Variants in SPECC1 observed in about 807,000 individuals in gnomAD.
SPECC1 encodes the protein cytospin-B.
SPECC1 carries 62 observed loss-of-function variants against 104.1 expected under a neutral mutation model. The observed-to-expected ratio is 0.60, with a 90% CI of 0.49 to 0.74. The LOEUF (loss-of-function observed/expected upper bound fraction) is 0.74. Ranked by LOEUF, SPECC1 falls within the 30% of genes least tolerant of loss-of-function variation. SPECC1 has a pLI of 0.00. For missense variants in SPECC1, 1,306 were observed against 1,310.5 expected (o/e 1.00, Z 0.05); for synonymous variants, 513 against 501.6 (o/e 1.02, Z -0.30).
At chr17:20,244,693 A>G (rs1204274846) in intron 7 of SPECC1, among the ~76,000 whole-genome samples, 1 of 146,678 alleles carries the variant, frequency 6.8e-6, no homozygotes, top group Non-Finnish European at 1.6e-5. Context: ...TGATCAGTAA[A>G]TAACTATTTT....
intron 12 of SPECC1, among the ~76,000 whole-genome samples, chr17:20,278,587 T>G (rs2040651483): frequency 6.6e-6 from 1 of 152,164 alleles, no homozygotes; most frequent in South Asian, 2.1e-4. Flanking sequence ...ACCTGTAATG[T>G]CAACACTTTG....
At chr17:20,082,668 G>A (rs1431441728) in intron 1 of SPECC1, among the ~76,000 whole-genome samples, 1 of 152,062 alleles carries the variant, frequency 6.6e-6, no homozygotes, top group Non-Finnish European at 1.5e-5. Context: ...GTGTGCCTGT[G>A]TCCTAATCTT....
chr17:20,124,624 C>G (rs1362424117), intron 3 of SPECC1, among the ~76,000 whole-genome samples: 1 of 152,256 alleles, frequency 6.6e-6, no homozygotes, highest in East Asian at 1.9e-4. Flanking sequence ...TATAGATGCT[C>G]CTCCACTTAC....
chr17:20,132,134 C>T (rs944781379), intron 3 of SPECC1, among the ~76,000 whole-genome samples: 1 of 151,412 alleles, frequency 6.6e-6, no homozygotes, highest in Non-Finnish European at 1.5e-5. Context: ...CTAATGTTTT[C>T]TCTGCATTGA....
At chr17:20,246,286 C>T (rs1383084689) in intron 8 of SPECC1, among the ~76,000 whole-genome samples, 3 of 152,348 alleles carry the variant, frequency 2.0e-5, no homozygotes, top group South Asian at 4.2e-4. Context: ...AACACAAATG[C>T]AGCCTCTTCC....
At chr17:20,029,029 T>G (rs2152439924) in intron 1 of SPECC1, among the ~76,000 whole-genome samples, 1 of 152,344 alleles carries the variant, frequency 6.6e-6, no homozygotes, top group African/African-American at 2.4e-5. Context: ...CCCAAAGTGC[T>G]GGGATTACAG....
chr17:20,062,978 G>A (rs1321767791), intron 1 of SPECC1, among the ~76,000 whole-genome samples: 2 of 152,028 alleles, frequency 1.3e-5, no homozygotes, highest in Non-Finnish European at 2.9e-5. Flanking sequence ...ATAAGCCACC[G>A]TGCCCAGCCA....
intron 3 of SPECC1, among the ~76,000 whole-genome samples, chr17:20,173,531 C>T (rs1277169307): frequency 6.6e-6 from 1 of 152,216 alleles, no homozygotes; most frequent in Non-Finnish European, 1.5e-5. Flanking sequence ...TATAACATTG[C>T]TAGGTCGCCT....
At chr17:20,210,073 C>T (rs1255064840) in intron 4 of SPECC1, among the ~76,000 whole-genome samples, 3 of 152,096 alleles carry the variant, frequency 2.0e-5, no homozygotes, top group African/African-American at 7.2e-5. Flanking sequence ...TGTGTGGGTC[C>T]TAGAGCCAAA....
intron 3 of SPECC1, among the ~76,000 whole-genome samples, chr17:20,110,873 G>A (rs1042207838): frequency 6.6e-6 from 1 of 151,964 alleles, no homozygotes; most frequent in Non-Finnish European, 1.5e-5. Context: ...ATGTTCTGGG[G>A]CTGTCTTGAT....
intron 14 of SPECC1, among the ~76,000 whole-genome samples, chr17:20,311,083 G>C (rs1346939632): frequency 7.0e-6 from 1 of 142,614 alleles, no homozygotes; most frequent in Admixed American, 7.1e-5. Context: ...TACCTTGTTA[G>C]ATTTAGACCT....
At position 20,118,115 on chromosome 17, in the gene SPECC1, TAATA is replaced by T. The variant is rs143553678; in HGVS notation, c.283+7572_283+7575del. 5.2e-4 allele frequency among the ~76,000 whole-genome samples: 79 copies of T among 150,872 alleles called. 1 individual carries two copies. The highest frequency in any genetic ancestry group is 1.5e-3 in the African/African-American group (61 of 40,800). On this transcript the variant is annotated intron_variant, in intron 3 of 14. Transcript: ENST00000395527. The stretch of plus-strand genomic sequence containing the variant: ...GAGACCCTGTCTCACAATAAATAAA[TAATA>T]AATAAATAAATAAATAAAGCAAAAC...
chr17:20,293,001 G>C (rs1328039654), intron 12 of SPECC1, among the ~76,000 whole-genome samples: 2 of 152,200 alleles, frequency 1.3e-5, no homozygotes, highest in Non-Finnish European at 2.9e-5. Context: ...ATGCTGACTG[G>C]AACTGAGAAG....
intron 3 of SPECC1, among the ~76,000 whole-genome samples, chr17:20,126,675 C>G (rs1188107231): frequency 6.6e-6 from 1 of 152,160 alleles, no homozygotes; most frequent in Non-Finnish European, 1.5e-5. Context: ...TCTTTTATTT[C>G]TGGTTCTTGC....
chr17:20,077,214 GTTC>G (rs996531522), intron 1 of SPECC1, among the ~76,000 whole-genome samples: 5 of 152,104 alleles, frequency 3.3e-5, no homozygotes, highest in Non-Finnish European at 7.4e-5. Flanking sequence ...AGGCATTTAT[GTTC>G]TTCTAGTATT....
At chr17:20,270,481 C>T (rs1050140766) in intron 12 of SPECC1, among the ~76,000 whole-genome samples, 10 of 133,564 alleles carry the variant, frequency 7.5e-5, no homozygotes, top group Non-Finnish European at 1.2e-4. Flanking sequence ...TAGCCGGCTA[C>T]GATGGTGTAC....
intron 3 of SPECC1, among the ~76,000 whole-genome samples, chr17:20,182,273 C>A (rs980211639): frequency 2.0e-5 from 3 of 151,894 alleles, no homozygotes; most frequent in African/African-American, 7.3e-5. Context: ...ACCACCATGT[C>A]CCGCTAAACT....
chr17:20,151,626 CTTGATTCCACTGGACTCT>C (rs1403027812), intron 3 of SPECC1, among the ~76,000 whole-genome samples: 1 of 152,190 alleles, frequency 6.6e-6, no homozygotes, highest in East Asian at 1.9e-4. Flanking sequence ...CCGCGTGTTG[CTTGATTCCACTGGACTCT>C]TTGATTCCAC....
intron 3 of SPECC1, among the ~76,000 whole-genome samples, chr17:20,176,708 T>C (rs2034497645): frequency 6.6e-6 from 1 of 152,144 alleles, no homozygotes; most frequent in African/African-American, 2.4e-5. Context: ...CAGAGTATAT[T>C]GCTTCAACCT....
Sources: allele counts gnomAD v4.1 joint callset (sites outside exome capture counted in the v4.1 genomes callset), GRCh38; gene constraint gnomAD v4.1.1; transcripts MANE v1.5; gene names NCBI Gene and HGNC (gene_info 2026-07-23, HGNC 2026-07-21).